TEX14: variants seen among roughly 807,000 people sequenced by gnomAD.
TEX14 encodes the protein inactive serine/threonine-protein kinase TEX14.
A neutral mutation model predicts 178.6 loss-of-function variants in TEX14; 168 were observed. The ratio of observed to expected loss-of-function variants is 0.94; its 90% confidence interval spans 0.83 to 1.07. TEX14 has a LOEUF of 1.07. TEX14 is among the 50% of genes least tolerant of loss of function. TEX14 has a pLI of 0.00. For synonymous variants in TEX14, 626 were observed against 634.1 expected (o/e 0.99, Z 0.19); for missense variants, 1,730 against 1,753.6 (o/e 0.99, Z 0.24).
At chr17:58,598,775 TCCCCAGTGTTTACTTTGGA>T (rs1205289108) in intron 14 of TEX14, 82 bp downstream of exon 14, 2 of 1,132,280 alleles carry the variant, frequency 1.8e-6, no homozygotes, top group Admixed American at 2.3e-5. Context: ...CTCTGACTGA[TCCCCAGTGTTTACTTTGGA>T]GACTTGGGTG....
rs79408858 is a variant in TEX14, at chr17:58,605,702, C to T, written c.1185-573G>A. On this transcript the variant is annotated intron_variant, in intron 10 of 31. Coordinates refer to ENST00000349033, the MANE Select transcript of TEX14 (RefSeq NM_031272.5). ...CAGCTTCTGCCAGGCATGCTCTGCC[C>T]ACAGATCCTAGAATGACTAGCTACT... Among the ~76,000 whole-genome samples, 1,296 of 152,302 alleles carry T rather than the reference C, an allele frequency of 8.5e-3. 12 individuals are homozygous for T. Among genetic ancestry groups the T allele is most frequent in the Middle Eastern group, 0.031 (9 of 294 alleles).
chr17:58,661,258 G>A, intron 1 of TEX14: 1 of 799,062 alleles, frequency 1.3e-6, no homozygotes, highest in Non-Finnish European at 2.3e-6. Flanking sequence ...ACTGAGTTAA[G>A]TATTTTATAA....
Position 58,611,180 on chromosome 17 carries a change from G to A in TEX14, c.1165C>T (p.Leu389=). ...ISPGEARLTN[L]EYMLESEDRG... is the part of the protein sequence containing the mutation. ...GCCCACCTTTCCAACATGTACTCCAGGTTGGTCAGCCTCGCTTCACCTGGG... is the reference window on the plus strand; with the variant it reads ...GCCCACCTTTCCAACATGTACTCCAAGTTGGTCAGCCTCGCTTCACCTGGG... The change falls in exon 10 of 32, where the codon CTG becomes TTG. Residue 389 remains leucine (L), a synonymous_variant. Transcript: ENST00000349033. 6.2e-7 allele frequency: 1 copy of A among 1,613,568 alleles called. No individual in the cohort carries two copies.
intron 1 of TEX14, among the ~76,000 whole-genome samples, chr17:58,657,502 CTTTTTTTTTTTTT>C (rs35359604): frequency 2.1e-4 from 11 of 51,370 alleles, no homozygotes; most frequent in African/African-American, 3.3e-4. Context: ...ACGGGAAATG[CTTTTTTTTTTTTT>C]TTTTTTTTTT....
chr17:58,631,789 A>T (rs139762465), intron 2 of TEX14: 5 of 152,196 alleles, frequency 3.3e-5, no homozygotes, highest in Non-Finnish European at 5.9e-5. Context: ...GTTCAGATAT[A>T]CTCCTCGAGA....
At position 58,598,976 on chromosome 17, in the gene TEX14, G is replaced by C. The variant is rs771637171; in HGVS notation, c.2369C>G (p.Pro790Arg). Residue 790 changes from proline (P) to arginine (R), a missense_variant, in exon 14 of 32, where the codon CCT becomes CGT. Transcript: ENST00000349033. ...AGGAGGAATATAGTTTAAAGATGGA[G>C]GGCCCACGGCCAGAGGTAACTTGTA... ...NAYKLPLAVG[P>R]PSLNYIPPVL... 6 of 1,614,158 alleles carry C rather than the reference G, an allele frequency of 3.7e-6. No individual in the cohort carries two copies. In the South Asian group the frequency reaches 6.6e-5, roughly 18 times the overall value.
At chr17:58,631,733 G>A (rs1052287791) in intron 2 of TEX14, 3 of 144,924 alleles carry the variant, frequency 2.1e-5, no homozygotes, top group Non-Finnish European at 3.1e-5. Flanking sequence ...TCCCACTCGT[G>A]AGAGAACACA....
Position 58,573,210 on chromosome 17 carries a change from G to A in TEX14, c.3482C>T (p.Pro1161Leu), listed in dbSNP as rs763177381. 5.6e-6 allele frequency: 9 copies of A among 1,614,158 alleles called. No homozygotes were observed. The highest frequency in any genetic ancestry group is 5.1e-6 in the Non-Finnish European group (6 of 1,180,012). Residue 1161 changes from proline (P) to leucine (L), a missense_variant, in exon 23 of 32, where the codon CCT (proline) becomes CTT (leucine). Pro to Leu is a moderately conservative substitution (Grantham distance 98, BLOSUM62 -3). Around this residue, in one of 2 missense-constraint regions of TEX14, gnomAD observed 941 missense variants for 1,072.4 expected, o/e 0.88. Transcript: ENST00000349033. ...SCKTPKINHAPTSVSTPLSPG... is the reference protein window; with the variant it reads ...SCKTPKINHALTSVSTPLSPG... Reference sequence around the variant, plus strand: ...GCTGAGTGGAGTGCTGACACTGGTAGGTGCATGGTTTATTTTGGGTGTTTT... The same window carrying A: ...GCTGAGTGGAGTGCTGACACTGGTAAGTGCATGGTTTATTTTGGGTGTTTT...
intron 14 of TEX14, 76 bp downstream of exon 14, chr17:58,598,800 G>T: frequency 7.4e-7 from 1 of 1,347,016 alleles, no homozygotes; most frequent in Non-Finnish European, 1.0e-6. Context: ...TTGGAGACTT[G>T]GGTGAAAGGT....
chr17:58,610,066 C>T (rs1004175786), intron 10 of TEX14, among the ~76,000 whole-genome samples: 2 of 152,154 alleles, frequency 1.3e-5, no homozygotes, highest in African/African-American at 2.4e-5. Flanking sequence ...AGTAAGGAAG[C>T]GCAGGGGAGA....
chr17:58,613,457 G>C lies in TEX14; in HGVS notation c.969C>G (p.Ile323Met). The change falls in exon 9 of 32, where the codon ATC becomes ATG. Residue 323 changes from isoleucine (I) to methionine (M), a missense_variant. By Grantham distance (10) the Ile-to-Met change is conservative. Coordinates refer to ENST00000349033, the MANE Select transcript of TEX14 (RefSeq NM_031272.5). ...GGACACTGAACAATGTGCCGATAGTGATGCGCTCGTACACAAGGCGGGTTT... is the reference window on the plus strand; with the variant it reads ...GGACACTGAACAATGTGCCGATAGTCATGCGCTCGTACACAAGGCGGGTTT... ...LEKTRLVYER[I>M]TIGTLFSVLH... 6.2e-7 allele frequency: 1 copy of C among 1,614,142 alleles called. No individual in the cohort carries two copies. Among genetic ancestry groups the C allele is most frequent in the Non-Finnish European group, 8.5e-7 (1 of 1,180,028 alleles).
At chr17:58,646,458 C>T (rs2046710393) in intron 2 of TEX14, among the ~76,000 whole-genome samples, 1 of 152,194 alleles carries the variant, frequency 6.6e-6, no homozygotes, top group African/African-American at 2.4e-5. Context: ...TCTAGCTCCT[C>T]TCCATCCTCA....
chr17:58,678,641 G>A (rs551127835), intron 1 of TEX14, among the ~76,000 whole-genome samples: 1 of 151,864 alleles, frequency 6.6e-6, no homozygotes, highest in African/African-American at 2.4e-5. Context: ...ACTTGAACAC[G>A]GGGTGGGGAA....
chr17:58,680,443 T>C (rs2047481538), intron 1 of TEX14, among the ~76,000 whole-genome samples: 1 of 152,182 alleles, frequency 6.6e-6, no homozygotes, highest in Non-Finnish European at 1.5e-5. Context: ...ACGCTAATTC[T>C]AATTTTGAAT....
At chr17:58,596,668 G>C (rs1312469587) in intron 14 of TEX14, among the ~76,000 whole-genome samples, 2 of 151,356 alleles carry the variant, frequency 1.3e-5, no homozygotes, top group African/African-American at 4.9e-5. Context: ...TGGATTGCTT[G>C]AGCTCAAGAG....
At chr17:58,686,294 AT>A (rs1263240395) in intron 1 of TEX14, among the ~76,000 whole-genome samples, 1 of 152,130 alleles carries the variant, frequency 6.6e-6, no homozygotes, top group African/African-American at 2.4e-5. Context: ...GTGAGATATG[AT>A]TATGCAGAGT....
At chr17:58,663,108 C>CAA (rs113078995) in intron 1 of TEX14, among the ~76,000 whole-genome samples, 2 of 76,906 alleles carry the variant, frequency 2.6e-5, no homozygotes, top group Non-Finnish European at 5.3e-5. Context: ...GACTCCGTCT[C>CAA]AAAAAAAAAA....
intron 11 of TEX14, among the ~76,000 whole-genome samples, chr17:58,603,901 GT>G: frequency 1.3e-5 from 1 of 75,238 alleles, no homozygotes; most frequent in Non-Finnish European, 3.8e-5. Flanking sequence ...GTGTGTGTGT[GT>G]GTGTGTGTGT....
rs535409730 is a variant in TEX14, at chr17:58,584,718, T to A, written c.3071-118A>T. ...ACATATTCTGCCAAGAGTGGCCATG[T>A]CCCATACGTTAGGTTCAGTCCAGAG... is the stretch of plus-strand genomic sequence containing the variant. On this transcript the variant is annotated intron_variant, in intron 18 of 31. Coordinates refer to ENST00000349033, the MANE Select transcript of TEX14 (RefSeq NM_031272.5). 18 of 797,022 alleles carry A rather than the reference T, an allele frequency of 2.3e-5. 1 individual carries two copies. The Admixed American group carries it at 3.0e-4, about 13-fold the overall frequency. The allele number at this position is 797,022 out of a possible 1,614,324, so 49.4% of individuals were successfully genotyped here.
Sources: allele counts gnomAD v4.1 joint callset (sites outside exome capture counted in the v4.1 genomes callset), GRCh38; gene constraint gnomAD v4.1.1; regional missense constraint gnomAD v4.1.1; transcripts MANE v1.5; gene names NCBI Gene and HGNC (gene_info 2026-07-23, HGNC 2026-07-21).